Variants in ZBTB20 observed in about 807,000 individuals in gnomAD.
ZBTB20 encodes zinc finger and BTB domain containing 20, also known as zinc finger and BTB domain-containing protein 20.
In ZBTB20, 9 loss-of-function variants were observed where a neutral mutation model predicts 56.9. That is an observed-to-expected ratio of 0.16 (90% CI 0.10 to 0.28). ZBTB20 has a LOEUF of 0.28. ZBTB20 is among the 10% of genes least tolerant of loss of function. The probability of loss-of-function intolerance (pLI) is 1.00; values close to 1 mark genes in which losing one functional copy is unlikely to be tolerated. For missense variants in ZBTB20, 655 were observed against 1,003.0 expected, an observed-to-expected ratio of 0.65 and a Z score of 4.69; for synonymous variants, 417 against 420.7, an observed-to-expected ratio of 0.99 and a Z score of 0.11.
intron 6 of ZBTB20, among the ~76,000 whole-genome samples, chr3:114,692,756 G>A (rs2062775230): frequency 6.6e-6 from 1 of 152,040 alleles, no homozygotes; most frequent in African/African-American, 2.4e-5. Flanking sequence ...TCCCAGTCAT[G>A]GAAATATCAA....
chr3:114,385,476 A>C (rs564774975), intron 8 of ZBTB20, among the ~76,000 whole-genome samples: 4 of 152,318 alleles, frequency 2.6e-5, no homozygotes, highest in African/African-American at 7.2e-5. Flanking sequence ...AGCCATGTAA[A>C]GTGATTTGCC....
chr3:114,914,274 T>G (rs899642054), intron 3 of ZBTB20, among the ~76,000 whole-genome samples: 4 of 152,036 alleles, frequency 2.6e-5, no homozygotes, highest in Admixed American at 2.6e-4. Context: ...TTTATAGTTT[T>G]TATTGTAGAG....
chr3:115,048,539 A>G (rs1246547541), intron 2 of ZBTB20, among the ~76,000 whole-genome samples: 2 of 152,188 alleles, frequency 1.3e-5, no homozygotes, highest in Non-Finnish European at 1.5e-5. Flanking sequence ...CTGTCATTTC[A>G]GGTAAGATAA....
chr3:114,658,891 T>C (rs2060562876), intron 6 of ZBTB20: 1 of 152,200 alleles, frequency 6.6e-6, no homozygotes, highest in African/African-American at 2.4e-5. Context: ...CCAGTATTAA[T>C]TATTTGCTTG....
At chr3:114,484,497 C>T (rs1042687263) in intron 7 of ZBTB20, among the ~76,000 whole-genome samples, 3 of 152,176 alleles carry the variant, frequency 2.0e-5, no homozygotes, top group African/African-American at 7.2e-5. Context: ...ACACAAAGGG[C>T]TTTGCAGGGG....
intron 5 of ZBTB20, among the ~76,000 whole-genome samples, chr3:114,769,363 C>CAT (rs1415901947): frequency 6.6e-6 from 1 of 151,108 alleles, no homozygotes; most frequent in African/African-American, 2.4e-5. Context: ...CTGTGGTGTG[C>CAT]ATATATATAT....
At chr3:114,474,506 T>C (rs2040516771) in intron 7 of ZBTB20, among the ~76,000 whole-genome samples, 1 of 152,142 alleles carries the variant, frequency 6.6e-6, no homozygotes, top group Non-Finnish European at 1.5e-5. Context: ...TGCTTCTCTA[T>C]CTAGTGAGGC....
intron 7 of ZBTB20, among the ~76,000 whole-genome samples, chr3:114,488,322 T>A (rs1195441298): frequency 1.3e-5 from 2 of 152,272 alleles, no homozygotes; most frequent in Non-Finnish European, 2.9e-5. Flanking sequence ...GGCTCATTTG[T>A]CTTTTCCAAT....
intron 4 of ZBTB20, among the ~76,000 whole-genome samples, chr3:114,835,749 GCTAATTC>G (rs1475000343): frequency 6.6e-6 from 1 of 152,042 alleles, no homozygotes; most frequent in African/African-American, 2.4e-5. Context: ...AGACCTTTTT[GCTAATTC>G]CTCATGCCAG....
At chr3:114,916,883 T>A (rs1368030576) in intron 3 of ZBTB20, among the ~76,000 whole-genome samples, 1 of 152,190 alleles carries the variant, frequency 6.6e-6, no homozygotes, top group Non-Finnish European at 1.5e-5. Context: ...TTAGGTTAAA[T>A]CTGCTTGGTG....
chr3:115,125,872 T>G (rs1217176848), intron 1 of ZBTB20, among the ~76,000 whole-genome samples: 1 of 152,120 alleles, frequency 6.6e-6, no homozygotes, highest in African/African-American at 2.4e-5. Flanking sequence ...AAAATAAAGC[T>G]AATAATCATT....
At chr3:115,097,909 G>C (rs535883693) in intron 1 of ZBTB20, among the ~76,000 whole-genome samples, 2 of 152,200 alleles carry the variant, frequency 1.3e-5, no homozygotes, top group South Asian at 4.1e-4. Flanking sequence ...AAAAGGCCAA[G>C]ATTATTTTTC....
intron 4 of ZBTB20, among the ~76,000 whole-genome samples, chr3:114,869,376 C>T (rs2075897117): frequency 6.6e-6 from 1 of 152,092 alleles, no homozygotes; most frequent in Non-Finnish European, 1.5e-5. Flanking sequence ...CCCTTGACTA[C>T]TAAATCAGGT....
chr3:114,809,467 T>C (rs1186750915), intron 4 of ZBTB20, among the ~76,000 whole-genome samples: 1 of 152,116 alleles, frequency 6.6e-6, no homozygotes, highest in African/African-American at 2.4e-5. Context: ...TCTCTTGCAA[T>C]TTTTTAATTT....
chr3:114,456,384 AC>A (rs2092021215), intron 7 of ZBTB20, among the ~76,000 whole-genome samples: 1 of 152,082 alleles, frequency 6.6e-6, no homozygotes, highest in African/African-American at 2.4e-5. Context: ...ATCTACAAAG[AC>A]CTCACCCTGA....
chr3:115,025,065 T>G (rs1371256512), intron 2 of ZBTB20, among the ~76,000 whole-genome samples: 1 of 151,230 alleles, frequency 6.6e-6, no homozygotes, highest in Non-Finnish European at 1.5e-5. Context: ...AAGTATCCAT[T>G]AGTTATTTTT....
intron 2 of ZBTB20, among the ~76,000 whole-genome samples, chr3:115,053,171 G>C (rs1378664224): frequency 6.6e-6 from 1 of 152,092 alleles, no homozygotes; most frequent in Non-Finnish European, 1.5e-5. Flanking sequence ...ATCCAAATGA[G>C]AAATAACGAC....
intron 5 of ZBTB20, among the ~76,000 whole-genome samples, chr3:114,712,607 C>T (rs1046128881): frequency 4.0e-5 from 6 of 148,610 alleles, no homozygotes; most frequent in African/African-American, 1.2e-4. Context: ...GAGCCGAGAT[C>T]GTGCCATTGC....
At chr3:114,867,642 C>A (rs1312029897) in intron 4 of ZBTB20, among the ~76,000 whole-genome samples, 2 of 152,108 alleles carry the variant, frequency 1.3e-5, no homozygotes, top group Non-Finnish European at 2.9e-5. Flanking sequence ...ACCATGTTGG[C>A]CAGGCTGGTC....
Sources: allele counts gnomAD v4.1 joint callset (sites outside exome capture counted in the v4.1 genomes callset), GRCh38; gene constraint gnomAD v4.1.1; transcripts MANE v1.5; gene names NCBI Gene and HGNC (gene_info 2026-07-23, HGNC 2026-07-21).